The following LOXHD1 variants were observed in gnomAD, a reference collection of about 807,000 sequenced individuals.
LOXHD1 encodes lipoxygenase homology PLAT domains 1.
In LOXHD1, 205 loss-of-function variants were observed where a neutral mutation model predicts 248.2. The observed-to-expected ratio is 0.83, with a 90% CI of 0.74 to 0.93. LOXHD1 has a LOEUF of 0.93. LOXHD1 is among the 40% of genes least tolerant of loss of function. The probability of loss-of-function intolerance (pLI) is 0.00; values close to 1 mark genes in which losing one functional copy is unlikely to be tolerated. For missense variants in LOXHD1, 2,930 were observed against 2,971.6 expected, an observed-to-expected ratio of 0.99 and a Z score of 0.33; for synonymous variants, 1,113 against 1,162.8, an observed-to-expected ratio of 0.96 and a Z score of 0.87.
Position 46,541,996 on chromosome 18 carries a change from G to A in LOXHD1, c.3749-56C>T, listed in dbSNP as rs983568337. The A allele has an allele frequency of 2.7e-6, 4 of 1,485,894 alleles. No homozygotes were observed. In the East Asian group the frequency reaches 9.9e-5, roughly 37 times the overall value. 92.0% of individuals were successfully genotyped at this position (1,485,894 alleles called of 1,614,324 possible). On this transcript the variant is annotated intron_variant, in intron 24 of 40. Coordinates refer to ENST00000642948, the MANE Select transcript of LOXHD1 (RefSeq NM_001384474.1). ...AGGACCTGAGCAGAGATGATTTCCT[G>A]TGGGTAACTTCAGGGACTCCTGACT...
intron 19 of LOXHD1, 31 bp downstream of exon 19, chr18:46,560,052 T>TGGGCCCCCCCC: frequency 2.3e-6 from 1 of 441,130 alleles, no homozygotes; most frequent in Non-Finnish European, 3.6e-6. Flanking sequence ...GGCCACTCCC[T>TGGGCCCCCCCC]CCCCACCCCC....
chr18:46,558,668 G>C (rs909832174), intron 20 of LOXHD1, among the ~76,000 whole-genome samples: 5 of 152,150 alleles, frequency 3.3e-5, no homozygotes, highest in Non-Finnish European at 5.9e-5. Flanking sequence ...TTTGGCTTTC[G>C]GGTAGAGGCA....
At chr18:46,583,558 A>G (rs1162519865) in intron 12 of LOXHD1, among the ~76,000 whole-genome samples, 1 of 152,160 alleles carries the variant, frequency 6.6e-6, no homozygotes, top group Non-Finnish European at 1.5e-5. Flanking sequence ...AAGAAGACAT[A>G]CAAATGGTTT....
chr18:46,519,199 G>C, intron 33 of LOXHD1: 1 of 627,462 alleles, frequency 1.6e-6, no homozygotes, highest in Non-Finnish European at 2.0e-6. Context: ...AAGTCTGAAG[G>C]TTCAGGAGAG....
chr18:46,551,965 C>T (rs2037125665), intron 21 of LOXHD1, among the ~76,000 whole-genome samples: 1 of 152,220 alleles, frequency 6.6e-6, no homozygotes, highest in Non-Finnish European at 1.5e-5. Context: ...AAGACAAATT[C>T]TGTAGGATTC....
chr18:46,553,038 C>A (rs781362687), intron 21 of LOXHD1, among the ~76,000 whole-genome samples: 1 of 152,196 alleles, frequency 6.6e-6, no homozygotes, highest in Non-Finnish European at 1.5e-5. Context: ...ACCCATGACT[C>A]CCTCCTCTGA....
At chr18:46,483,881 C>G (rs977164752) in intron 39 of LOXHD1, 136 bp from the exon 40 acceptor site, 11 of 1,044,146 alleles carry the variant, frequency 1.1e-5, no homozygotes, top group Non-Finnish European at 1.5e-5. Flanking sequence ...TCATGGCAGT[C>G]CTGGAGGCTT....
chr18:46,545,627 CT>C (rs56323729), intron 22 of LOXHD1, among the ~76,000 whole-genome samples: 29 of 92,244 alleles, frequency 3.1e-4, no homozygotes, highest in Admixed American at 1.4e-3. Flanking sequence ...TTGGCCATTT[CT>C]TTTTTTTTTT....
Position 46,566,430 on chromosome 18 carries a change from C to G in LOXHD1, c.2264G>C (p.Gly755Ala), listed in dbSNP as rs188517529. 4 of 1,550,312 alleles carry G rather than the reference C, an allele frequency of 2.6e-6. No individual in the cohort carries two copies. The highest frequency in any genetic ancestry group is 3.5e-6 in the Non-Finnish European group (4 of 1,146,966). ...NIGNINRLVI[G>A]HDSTGMHASW... ...GGCATGCATGCCAGTGCTGTCATGC[C>G]CAATCACCAGCCGGTTGATCTGAAG... is the stretch of plus-strand genomic sequence containing the variant. Residue 755 changes from glycine (G) to alanine (A), a missense_variant, in exon 17 of 41, where the codon GGG (glycine) becomes GCG (alanine). Physicochemically the swap from Gly to Ala is moderately conservative, Grantham distance 60. Coordinates refer to ENST00000642948, the MANE Select transcript of LOXHD1 (RefSeq NM_001384474.1).
chr18:46,640,189 C>A (rs929851056), intron 3 of LOXHD1, among the ~76,000 whole-genome samples: 4 of 152,150 alleles, frequency 2.6e-5, no homozygotes, highest in Non-Finnish European at 5.9e-5. Context: ...ATACACACAA[C>A]ACTTCTTGAT....
chr18:46,657,171 C>A lies in LOXHD1; in HGVS notation c.-138G>T. ...CAGGCCTGGGTGGGCCAGAGTGCCCCGTTTTCTTGGCTTCCCCGTGCCCAA... is the reference window on the plus strand; with the variant it reads ...CAGGCCTGGGTGGGCCAGAGTGCCCAGTTTTCTTGGCTTCCCCGTGCCCAA... On this transcript the variant is annotated 5_prime_UTR_variant, in exon 1 of 41. Transcript: ENST00000642948. 1 of 1,407,064 alleles carries A rather than the reference C, an allele frequency of 7.1e-7. No individual in the cohort carries two copies. Among genetic ancestry groups the A allele is most frequent in the South Asian group, 1.4e-5 (1 of 72,154 alleles). The allele number at this position is 1,407,064 out of a possible 1,614,324, so 87.2% of individuals were successfully genotyped here. A position where few individuals can be genotyped will look rare whatever the true frequency, so the allele number is the denominator to read the frequency against.
At chr18:46,485,719 C>G (rs1015174392) in intron 38 of LOXHD1, among the ~76,000 whole-genome samples, 4 of 152,182 alleles carry the variant, frequency 2.6e-5, no homozygotes, top group African/African-American at 9.7e-5. Context: ...AACTCAATCT[C>G]TAGCCCCAGA....
At chr18:46,551,379 A>T (rs1244029191) in intron 21 of LOXHD1, among the ~76,000 whole-genome samples, 1 of 152,076 alleles carries the variant, frequency 6.6e-6, no homozygotes, top group Non-Finnish European at 1.5e-5. Context: ...CTGGGATTAT[A>T]GGCATGAGCC....
At chr18:46,641,806 G>T in intron 3 of LOXHD1, 150 bp downstream of exon 3, 1 of 781,340 alleles carries the variant, frequency 1.3e-6, no homozygotes, top group Non-Finnish European at 2.1e-6. Context: ...TTAGGGCACT[G>T]TGATTCAGGA....
intron 40 of LOXHD1, among the ~76,000 whole-genome samples, chr18:46,481,084 T>C (rs1481233004): frequency 1.3e-5 from 2 of 151,120 alleles, no homozygotes; most frequent in Admixed American, 6.6e-5. Context: ...TATGAGATAT[T>C]GAGATTAAAT....
intron 20 of LOXHD1, chr18:46,557,789 C>T (rs1340905456): frequency 1.7e-6 from 2 of 1,157,546 alleles, no homozygotes; most frequent in Non-Finnish European, 2.3e-6. Context: ...TTGCTGGATG[C>T]CCACATCTGT....
rs141933830 is a variant in LOXHD1 at position 46,544,776 on chromosome 18, G to A, written c.3619+541C>T. The A allele has an allele frequency of 1.2e-3, 548 of 470,810 alleles. 3 individuals carry two copies. The highest frequency in any genetic ancestry group is 0.01 in the African/African-American group (508 of 50,214). 29.2% of individuals were successfully genotyped at this position (470,810 alleles called of 1,614,324 possible). Reference sequence around the variant, plus strand: ...ACCAGCACATTGTTGTAGTAGATATGAGCACCCCATGGTCAAGGGTTAGGT... The same window carrying A: ...ACCAGCACATTGTTGTAGTAGATATAAGCACCCCATGGTCAAGGGTTAGGT... On this transcript the variant is annotated intron_variant, in intron 23 of 40. Transcript: ENST00000642948.
At chr18:46,523,785 T>C (rs915213324) in intron 31 of LOXHD1, among the ~76,000 whole-genome samples, 2 of 152,076 alleles carry the variant, frequency 1.3e-5, no homozygotes, top group African/African-American at 4.8e-5. Context: ...TTCTTGGTGG[T>C]CCTATCACTC....
In LOXHD1 at chr18:46,542,745, G is replaced by C. The variant is rs1469526441; in HGVS notation, c.3730C>G (p.Leu1244Val). 1 of 1,551,678 alleles carries C rather than the reference G, an allele frequency of 6.4e-7. No individual in the cohort carries two copies. Among genetic ancestry groups the C allele is most frequent in the Non-Finnish European group, 8.7e-7 (1 of 1,146,994 alleles). ...GCCACACCTGTGTTGTCATGGCCAA[G>C]CCGGACTTTCCACAGGTCTCCCAGA... ...LDLGDLWKVR[L>V]GHDNTGKAPG... Residue 1244 changes from leucine to valine, a missense_variant, in exon 24 of 41, where the codon CTT (leucine) becomes GTT (valine). Coordinates refer to ENST00000642948, the MANE Select transcript of LOXHD1 (RefSeq NM_001384474.1).
Sources: allele counts gnomAD v4.1 joint callset (sites outside exome capture counted in the v4.1 genomes callset), GRCh38; gene constraint gnomAD v4.1.1; transcripts MANE v1.5; gene names NCBI Gene and HGNC (gene_info 2026-07-23, HGNC 2026-07-21).